The following ARID5B variants were observed in gnomAD, a reference collection of about 807,000 sequenced individuals.
ARID5B encodes the protein AT-rich interactive domain-containing protein 5B.
Under a neutral mutation model 97.2 loss-of-function variants are expected in ARID5B, and 13 were observed. The ratio of observed to expected loss-of-function variants is 0.13; its 90% CI spans 0.09 to 0.21. The LOEUF is 0.21. Among genes scored for constraint, ARID5B ranks in the 10% least tolerant of loss-of-function variants. ARID5B has a pLI of 1.00. For missense variants in ARID5B, 1,210 were observed against 1,465.3 expected (o/e 0.83, Z 2.84); for synonymous variants, 556 against 570.3 (o/e 0.97, Z 0.36).
intron 3 of ARID5B, among the ~76,000 whole-genome samples, chr10:61,944,180 T>C (rs1326200447): frequency 6.6e-6 from 1 of 151,462 alleles, no homozygotes; most frequent in East Asian, 1.9e-4. Context: ...ATACTGAAGT[T>C]TATAAAAAAA....
rs911202288 is a variant in ARID5B at position 62,093,086 on chromosome 10, C to A, written c.*56C>A. The A allele has an allele frequency of 2.6e-6, 4 of 1,539,762 alleles. No homozygotes were observed. The East Asian group carries it at 9.0e-5, about 35-fold the overall frequency. ...ATGGCCAACAGAGCTTCACTCCTTA[C>A]CCAGGAGTGCTGGCTTATAGAGTTA... On this transcript the variant is annotated 3_prime_UTR_variant, in exon 10 of 10. Transcript: ENST00000279873.
intron 8 of ARID5B, among the ~76,000 whole-genome samples, chr10:62,082,242 G>A (rs1291164073): frequency 6.6e-6 from 1 of 152,014 alleles, no homozygotes; most frequent in African/African-American, 2.4e-5. Context: ...TCCATTAATC[G>A]CATCGTAAAT....
At chr10:62,015,772 C>A (rs1013248619) in intron 4 of ARID5B, among the ~76,000 whole-genome samples, 2 of 152,026 alleles carry the variant, frequency 1.3e-5, no homozygotes, top group Non-Finnish European at 1.5e-5. Context: ...TACAGGTGCC[C>A]ACCACCATAC....
At chr10:61,948,419 G>A (rs1043597006) in intron 3 of ARID5B, among the ~76,000 whole-genome samples, 3 of 83,336 alleles carry the variant, frequency 3.6e-5, no homozygotes, top group African/African-American at 4.9e-5. Context: ...GTTTTGCTCT[G>A]TCACCAGGCT....
At chr10:61,940,151 G>T in intron 2 of ARID5B, 32 bp from the exon 3 acceptor site, 2 of 1,605,778 alleles carry the variant, frequency 1.2e-6, no homozygotes, top group Non-Finnish European at 8.5e-7. Flanking sequence ...TATAAATAAC[G>T]TTTTTTGTTC....
chr10:61,955,809 C>A (rs1838384230), intron 3 of ARID5B, among the ~76,000 whole-genome samples: 1 of 152,044 alleles, frequency 6.6e-6, no homozygotes, highest in South Asian at 2.1e-4. Context: ...TGCCACCACG[C>A]CCAGCTAGTT....
At chr10:61,970,972 A>AGTGT (rs55961997) in intron 3 of ARID5B, among the ~76,000 whole-genome samples, 11,847 of 149,892 alleles carry the variant, frequency 0.079, 568 homozygotes, top group East Asian at 0.15. Context: ...TTGCTTTTAA[A>AGTGT]GTGTGTGTGT....
chr10:62,096,469 C>T lies in ARID5B; in HGVS notation c.*3439C>T, dbSNP rs1840472188. 4.3e-6 allele frequency: 1 copy of T among 233,488 alleles called. No homozygotes were observed. 14.5% of individuals were successfully genotyped at this position (233,488 alleles called of 1,614,324 possible). A position where few individuals can be genotyped will look rare whatever the true frequency, so the allele number is the denominator to read the frequency against. ...GAGTTTGCCCTGGTGAGACCCATAC[C>T]ATTGCAATGATTATCTTGAGCACTT... On this transcript the variant is annotated 3_prime_UTR_variant, in exon 10 of 10. Coordinates refer to ENST00000279873, the MANE Select transcript of ARID5B (RefSeq NM_032199.3).
chr10:61,993,004 T>G (rs2132858260), intron 3 of ARID5B, among the ~76,000 whole-genome samples: 1 of 152,316 alleles, frequency 6.6e-6, no homozygotes, highest in South Asian at 2.1e-4. Flanking sequence ...CTATTCCGGA[T>G]GGAATCTTGT....
At chr10:61,997,633 A>T (rs1023586402) in intron 3 of ARID5B, among the ~76,000 whole-genome samples, 3 of 152,214 alleles carry the variant, frequency 2.0e-5, no homozygotes, top group Admixed American at 6.5e-5. Context: ...ATTTACAGGC[A>T]CAGTATTTAC....
At chr10:61,938,578 G>T (rs1844344386) in intron 2 of ARID5B, among the ~76,000 whole-genome samples, 1 of 152,134 alleles carries the variant, frequency 6.6e-6, no homozygotes, top group South Asian at 2.1e-4. Flanking sequence ...ATTTCAAGAG[G>T]ATGGTGTGGT....
intron 7 of ARID5B, among the ~76,000 whole-genome samples, chr10:62,064,263 A>G (rs542915035): frequency 1.4e-4 from 21 of 152,334 alleles, no homozygotes; most frequent in African/African-American, 4.6e-4. Context: ...AGATGATGTC[A>G]TGTAGTTTTG....
At chr10:61,907,953 A>G (rs1843733833) in intron 2 of ARID5B, among the ~76,000 whole-genome samples, 1 of 152,220 alleles carries the variant, frequency 6.6e-6, no homozygotes, top group African/African-American at 2.4e-5. Flanking sequence ...AATAAGGTAG[A>G]TGATTGTGTA....
intron 3 of ARID5B, among the ~76,000 whole-genome samples, chr10:61,941,656 T>C (rs1181142926): frequency 2.6e-5 from 4 of 152,148 alleles, no homozygotes; most frequent in Admixed American, 2.0e-4. Flanking sequence ...CTGTGCTGTG[T>C]TTTGGGAATA....
chr10:62,024,130 A>C (rs1413461604), intron 4 of ARID5B, among the ~76,000 whole-genome samples: 3 of 152,212 alleles, frequency 2.0e-5, no homozygotes, highest in African/African-American at 4.8e-5. Flanking sequence ...TCAATTCAAC[A>C]AATATTTAGG....
chr10:62,011,225 G>T (rs1044829592), intron 4 of ARID5B, among the ~76,000 whole-genome samples: 1 of 152,142 alleles, frequency 6.6e-6, no homozygotes, highest in Non-Finnish European at 1.5e-5. Flanking sequence ...TTTGAAGTAG[G>T]AGATCAAATC....
chr10:62,070,527 T>C (rs7090871), intron 8 of ARID5B, among the ~76,000 whole-genome samples: 50,158 of 152,124 alleles, frequency 0.33, 9,005 homozygotes, highest in Non-Finnish European at 0.41. Flanking sequence ...ATAACTGGCA[T>C]TTCCCTTTGG....
intron 4 of ARID5B, chr10:62,046,804 C>A (rs56140430): frequency 0.55 from 83,190 of 151,142 alleles, 23,514 homozygotes; most frequent in African/African-American, 0.66. Context: ...TAGTGGGAGT[C>A]TTGCCACCTA....
At chr10:62,069,266 T>C (rs963908648) in intron 7 of ARID5B, among the ~76,000 whole-genome samples, 3 of 152,266 alleles carry the variant, frequency 2.0e-5, no homozygotes, top group Non-Finnish European at 4.4e-5. Flanking sequence ...CTTTTTTACC[T>C]CTATACCCGG....
Sources: gnomAD v4.1 joint callset for allele counts (sites outside exome capture counted in the v4.1 genomes callset) on GRCh38, gnomAD v4.1.1 for gene constraint, MANE v1.5 for transcripts, NCBI Gene and HGNC (gene_info 2026-07-23, HGNC 2026-07-21) for gene names.